PDE6A: variants seen among roughly 807,000 people sequenced by gnomAD.
The protein encoded by PDE6A is phosphodiesterase 6A.
A neutral mutation model predicts 106.3 loss-of-function variants in PDE6A; 84 were observed. That is an observed-to-expected ratio of 0.79 (90% CI 0.66 to 0.95). PDE6A has a LOEUF of 0.95. PDE6A is among the 40% of genes least tolerant of loss of function. The probability of loss-of-function intolerance (pLI) is 0.00; values close to 1 mark genes in which losing one functional copy is unlikely to be tolerated. For synonymous variants in PDE6A, 394 were observed against 386.6 expected (o/e 1.02, Z -0.23); for missense variants, 1,052 against 1,084.9 (o/e 0.97, Z 0.43).
intron 5 of PDE6A, among the ~76,000 whole-genome samples, chr5:149,919,099 C>T (rs994620978): frequency 4.6e-5 from 7 of 152,110 alleles, no homozygotes; most frequent in Admixed American, 6.5e-5. Flanking sequence ...GCCTTAGGGC[C>T]ACCTGTCCTT....
chr5:149,870,582 T>C (rs892065217), intron 17 of PDE6A, among the ~76,000 whole-genome samples: 1 of 152,088 alleles, frequency 6.6e-6, no homozygotes, highest in Non-Finnish European at 1.5e-5. Context: ...AGATTTGCTG[T>C]GTGCATGGGA....
intron 17 of PDE6A, among the ~76,000 whole-genome samples, chr5:149,869,223 G>A (rs922060516): frequency 1.6e-4 from 24 of 152,206 alleles, no homozygotes; most frequent in South Asian, 4.1e-4. Context: ...CCAGCTACGC[G>A]GGAGGCTGAG....
At chr5:149,872,082 C>G (rs1261946853) in intron 17 of PDE6A, among the ~76,000 whole-genome samples, 1 of 152,168 alleles carries the variant, frequency 6.6e-6, no homozygotes, top group Non-Finnish European at 1.5e-5. Context: ...GACGAACTGT[C>G]AAGAGGAGGG....
At chr5:149,899,704 C>A (rs939694999) in intron 8 of PDE6A, among the ~76,000 whole-genome samples, 180 bp from the exon 9 acceptor site, 1 of 152,078 alleles carries the variant, frequency 6.6e-6, no homozygotes, top group Non-Finnish European at 1.5e-5. Context: ...CCCATCTGGT[C>A]GGAATTCCTT....
At chr5:149,898,573 T>C (rs2113593173) in intron 9 of PDE6A, 67 bp from the exon 10 acceptor site, 1 of 1,512,744 alleles carries the variant, frequency 6.6e-7, no homozygotes, top group East Asian at 2.3e-5. Flanking sequence ...CTAAAACTCA[T>C]AGCAAGAGTC....
At position 149,869,329 on chromosome 5, in the gene PDE6A, CAAAAAAAAAAA is replaced by C. The variant is rs11316552; in HGVS notation, c.2136-1182_2136-1172del. Among the ~76,000 whole-genome samples the C allele has an allele frequency of 4.4e-5, 4 of 91,392 alleles. No individual in the cohort carries two copies. The South Asian group carries it at 1.2e-3, about 28-fold the overall frequency. The allele number at this position is 91,392 out of a possible 152,430, so 60.0% of individuals were successfully genotyped here. ...TGGGCGACAGATCGAGACTCCATAT[CAAAAAAAAAAA>C]AAAAAAAAGGAGTGGAAGGGTGCAG... On this transcript the variant is annotated intron_variant, in intron 17 of 21. Coordinates refer to ENST00000255266, the MANE Select transcript of PDE6A (RefSeq NM_000440.3).
chr5:149,934,776 G>C lies in PDE6A; in HGVS notation c.475-58C>G, dbSNP rs536709443. On this transcript the variant is annotated intron_variant, in intron 1 of 21. Coordinates refer to ENST00000255266, the MANE Select transcript of PDE6A (RefSeq NM_000440.3). The stretch of plus-strand genomic sequence containing the variant: ...AAATGAAGAGCAAGAACAGTGGAAC[G>C]GCCCAAAGCCCCTGTTGACAAGGGA... 2.0e-4 allele frequency: 317 copies of C among 1,561,980 alleles called. 1 individual carries two copies. In the African/African-American group the frequency reaches 3.3e-3, roughly 16 times the overall value.
At chr5:149,914,439 C>A (rs963674969) in intron 6 of PDE6A, among the ~76,000 whole-genome samples, 2 of 152,172 alleles carry the variant, frequency 1.3e-5, no homozygotes, top group African/African-American at 4.8e-5. Flanking sequence ...ATAGGAGGCC[C>A]TTGTTTTGGA....
At chr5:149,886,122 G>A (rs769387725) in intron 14 of PDE6A, 143 bp downstream of exon 14, 194 of 703,944 alleles carry the variant, frequency 2.8e-4, no homozygotes, top group Middle Eastern at 5.1e-4. Flanking sequence ...TGCTACAGGA[G>A]GAGACCCGGA....
chr5:149,898,826 C>G (rs1581180856), intron 9 of PDE6A, among the ~76,000 whole-genome samples: 1 of 152,272 alleles, frequency 6.6e-6, no homozygotes, highest in African/African-American at 2.4e-5. Flanking sequence ...TGCTAAGAAC[C>G]TAAAACTACT....
intron 7 of PDE6A, among the ~76,000 whole-genome samples, chr5:149,904,047 T>C (rs1753087859): frequency 1.3e-5 from 2 of 152,140 alleles, no homozygotes; most frequent in Admixed American, 1.3e-4. Context: ...TTAATATAAA[T>C]ACCAGCCCAG....
Position 149,898,049 on chromosome 5 carries a change from G to A in PDE6A, c.1407+314C>T, listed in dbSNP as rs72830275. On this transcript the variant is annotated intron_variant, in intron 10 of 21. Coordinates refer to ENST00000255266, the MANE Select transcript of PDE6A (RefSeq NM_000440.3). ...ATCCCTGAGCACTGTGAAAAATGGA[G>A]TTTCTAGAGCTGTCAAGCCAACATC... Among the ~76,000 whole-genome samples the A allele has an allele frequency of 5.2e-3, 788 of 152,234 alleles. 5 individuals carry two copies. Among genetic ancestry groups the A allele is most frequent in the Non-Finnish European group, 6.8e-3 (463 of 68,010 alleles).
chr5:149,921,486 T>C (rs1323066145), intron 5 of PDE6A, 149 bp downstream of exon 5: 1 of 634,048 alleles, frequency 1.6e-6, no homozygotes, highest in Non-Finnish European at 2.8e-6. Context: ...CTGTCTGCTA[T>C]TGAATATGAG....
chr5:149,928,234 T>A (rs1398488588), intron 4 of PDE6A, among the ~76,000 whole-genome samples: 14 of 75,230 alleles, frequency 1.9e-4, no homozygotes, highest in African/African-American at 4.0e-4. Flanking sequence ...TATATATATT[T>A]TTTTTTTTTT....
intron 3 of PDE6A, chr5:149,932,412 A>T: frequency 7.3e-7 from 1 of 1,363,072 alleles, no homozygotes; most frequent in African/African-American, 1.4e-5. Context: ...TTTTAGTGCG[A>T]GGAGTTTAAA....
intron 4 of PDE6A, among the ~76,000 whole-genome samples, chr5:149,923,510 TAACATAACATAACATAACATAACATAACA>T: frequency 6.6e-4 from 1 of 1,524 alleles, no homozygotes; most frequent in Middle Eastern, 0.5. Context: ...ATAAATAACA[TAACATAACATAACATAACATAACATAACA>T]TAACATAACA....
At chr5:149,943,946 A>G (rs372450977) in intron 1 of PDE6A, among the ~76,000 whole-genome samples, 16 of 152,360 alleles carry the variant, frequency 1.1e-4, no homozygotes, top group African/African-American at 3.8e-4. Flanking sequence ...AGAGAAAGCA[A>G]ATGTGGCAAG....
rs1202255370 is a variant in PDE6A, at chr5:149,898,400, T to C, written c.1370A>G (p.His457Arg). 1 of 1,613,232 alleles carries C rather than the reference T, an allele frequency of 6.2e-7. No individual in the cohort carries two copies. The highest frequency in any genetic ancestry group is 8.5e-7 in the Non-Finnish European group (1 of 1,179,208). ...KDIFQDIVKY[H>R]VKCDNEEIQK... ...AATTTCTTCATTGTCACACTTCACA[T>C]GATATTTTACTATGTCCTGGAAAAT... The change falls in exon 10 of 22, where the codon CAT becomes CGT. Residue 457 changes from histidine to arginine, a missense_variant. Coordinates refer to ENST00000255266, the MANE Select transcript of PDE6A (RefSeq NM_000440.3).
At chr5:149,914,236 C>G (rs1753480641) in intron 6 of PDE6A, among the ~76,000 whole-genome samples, 1 of 152,168 alleles carries the variant, frequency 6.6e-6, no homozygotes, top group South Asian at 2.1e-4. Flanking sequence ...AGTCTTCCCC[C>G]TTCTTGGGCC....
Sources: allele counts gnomAD v4.1 joint callset (sites outside exome capture counted in the v4.1 genomes callset), GRCh38; gene constraint gnomAD v4.1.1; transcripts MANE v1.5; gene names NCBI Gene and HGNC (gene_info 2026-07-23, HGNC 2026-07-21).